The following ZUP1 variants were observed in gnomAD, a reference collection of about 807,000 sequenced individuals.
The protein encoded by ZUP1 is zinc finger containing ubiquitin peptidase 1, also known as zinc finger-containing ubiquitin peptidase 1.
In ZUP1, 55 loss-of-function variants were observed where a neutral mutation model predicts 68.1. That is an observed-to-expected ratio of 0.81 (90% CI 0.65 to 1.01). ZUP1 has a LOEUF of 1.01. ZUP1 is among the 50% of genes least tolerant of loss of function. ZUP1 has a pLI of 0.00. For synonymous variants in ZUP1, 223 were observed against 221.5 expected, an observed-to-expected ratio of 1.01 and a Z score of -0.06; for missense variants, 684 against 674.9, an observed-to-expected ratio of 1.01 and a Z score of -0.15.
chr6:116,647,416 C>A (rs1776344489), intron 8 of ZUP1, 43 bp downstream of exon 8: 18 of 1,426,060 alleles, frequency 1.3e-5, no homozygotes, highest in Non-Finnish European at 1.4e-5. Flanking sequence ...AATTTGTTAT[C>A]TTATAAACAA....
intron 9 of ZUP1, among the ~76,000 whole-genome samples, chr6:116,638,066 C>CAAAAA (rs11398572): frequency 1.1e-5 from 1 of 88,818 alleles, no homozygotes; most frequent in Non-Finnish European, 2.4e-5. Context: ...AGTCGGTCTC[C>CAAAAA]AAAAAAAAAA....
rs1430911931 is a variant in ZUP1, at chr6:116,652,077, A to G, written c.1077T>C (p.Gly359=). Residue 359 remains glycine (G), a synonymous_variant, in exon 6 of 10, where the codon GGT becomes GGC. Coordinates refer to ENST00000368576, the MANE Select transcript of ZUP1 (RefSeq NM_145062.3). ...FHSSLGDKGW[G]CGYRNFQMLL... is the part of the protein sequence containing the mutation. ...GCATTTGGAAATTTCTGTAACCACA[A>G]CCCCAACCTTTGTCGCCTAAAGATG... 1 of 1,613,994 alleles carries G rather than the reference A, an allele frequency of 6.2e-7. No individual in the cohort carries two copies. The highest frequency in any genetic ancestry group is 8.5e-7 in the Non-Finnish European group (1 of 1,179,894).
intron 9 of ZUP1, among the ~76,000 whole-genome samples, chr6:116,641,836 A>C (rs921956269): frequency 1.3e-5 from 2 of 152,156 alleles, no homozygotes; most frequent in Non-Finnish European, 2.9e-5. Flanking sequence ...AAATAACTAA[A>C]ATCAGAGCAG....
intron 5 of ZUP1, 104 bp downstream of exon 5, chr6:116,656,580 T>C (rs1776670100): frequency 3.5e-6 from 3 of 868,072 alleles, no homozygotes; most frequent in Admixed American, 6.5e-5. Context: ...AAAAAAATAT[T>C]TGTGCACAGA....
chr6:116,645,729 A>T lies in ZUP1; in HGVS notation c.1674T>A (p.Ser558=), dbSNP rs145402031. 117 of 1,610,434 alleles carry T rather than the reference A, an allele frequency of 7.3e-5. No homozygotes were observed. The African/African-American group carries it at 1.4e-3, about 20-fold the overall frequency. ...YQILAVEGAL[S]LEEKLARRQA... is the part of the protein sequence containing the mutation. Reference sequence around the variant, plus strand: ...AGATACTTACAAGTTTCTCCTCTAGAGAAAGAGCACCCTCTACTGCCAATA... The same window carrying T: ...AGATACTTACAAGTTTCTCCTCTAGTGAAAGAGCACCCTCTACTGCCAATA... Residue 558 remains serine, a synonymous_variant, in exon 9 of 10, where the codon TCT becomes TCA. Transcript: ENST00000368576.
At chr6:116,637,592 A>C (rs1352215564) in intron 9 of ZUP1, among the ~76,000 whole-genome samples, 2 of 152,206 alleles carry the variant, frequency 1.3e-5, no homozygotes, top group Non-Finnish European at 2.9e-5. Context: ...TCCCACAAAC[A>C]ACTCCATTTC....
In ZUP1 at chr6:116,645,931, T is replaced by G. The variant is rs772591104; in HGVS notation, c.1472A>C (p.His491Pro). 6.2e-7 allele frequency: 1 copy of G among 1,607,832 alleles called. No individual in the cohort carries two copies. Among genetic ancestry groups the G allele is most frequent in the South Asian group, 1.1e-5 (1 of 90,140 alleles). Residue 491 changes from histidine (H) to proline (P), a missense_variant, in exon 9 of 10, where the codon CAC (histidine) becomes CCC (proline). Physicochemically the swap from His to Pro is moderately conservative, Grantham distance 77. Transcript: ENST00000368576. ...TTCAATTCCAATAACAGTTCGACTG[T>G]GACCTATCAAAAGATTTTTAAGTTA... ...KPPIYLQHQG[H>P]SRTVIGIEEK... is the part of the protein sequence containing the mutation.
At chr6:116,638,511 A>G (rs1399074783) in intron 9 of ZUP1, among the ~76,000 whole-genome samples, 2 of 152,228 alleles carry the variant, frequency 1.3e-5, no homozygotes, top group African/African-American at 4.8e-5. Flanking sequence ...TGAATATCCA[A>G]TAAGCCCAAG....
intron 2 of ZUP1, among the ~76,000 whole-genome samples, chr6:116,661,423 G>T (rs1240295555): frequency 6.6e-6 from 1 of 152,140 alleles, no homozygotes; most frequent in African/African-American, 2.4e-5. Context: ...GAAAACCAAA[G>T]TGGTAAGTAG....
chr6:116,651,984 G>T lies in ZUP1; in HGVS notation c.1150+20C>A. The T allele has an allele frequency of 6.2e-7, 1 of 1,610,132 alleles. No homozygotes were observed. Among genetic ancestry groups the T allele is most frequent in the South Asian group, 1.1e-5 (1 of 90,794 alleles). On this transcript the variant is annotated intron_variant, in intron 6 of 9. Transcript: ENST00000368576. ...TGTATTTTATCAGATGACAAGTTCA[G>T]AGTACTAGATTTCACATACCTTTTA...
In ZUP1 at chr6:116,645,876, TAGTA is replaced by T; in HGVS notation, c.1523_1526del (p.Leu508Ter). 1 of 1,613,872 alleles carries T rather than the reference TAGTA, an allele frequency of 6.2e-7. No individual in the cohort carries two copies. Among genetic ancestry groups the T allele is most frequent in the Non-Finnish European group, 8.5e-7 (1 of 1,179,894 alleles). ...GAGAAGGACATCCAGGATCAAGTAT[TAGTA>T]AGCATAATGTTCGGTTTTTTTTCTC... On this transcript the variant is annotated frameshift_variant, in exon 9 of 10. Transcript: ENST00000368576. LOFTEE classifies it high-confidence loss of function.
intron 9 of ZUP1, among the ~76,000 whole-genome samples, chr6:116,642,435 C>A (rs1469026062): frequency 6.6e-6 from 1 of 152,032 alleles, no homozygotes; most frequent in Non-Finnish European, 1.5e-5. Context: ...CAAAAATCCT[C>A]AATAAAATAC....
intron 2 of ZUP1, among the ~76,000 whole-genome samples, chr6:116,664,503 T>A (rs1425756437): frequency 6.6e-6 from 1 of 151,154 alleles, no homozygotes; most frequent in Non-Finnish European, 1.5e-5. Context: ...TGGGGAGATG[T>A]ACTTTGATCT....
At chr6:116,643,708 C>T (rs1562400528) in intron 9 of ZUP1, among the ~76,000 whole-genome samples, 2 of 152,102 alleles carry the variant, frequency 1.3e-5, no homozygotes, top group Non-Finnish European at 2.9e-5. Flanking sequence ...TAAAGACTTA[C>T]ATGTTAGACA....
chr6:116,651,439 T>C, intron 7 of ZUP1, 133 bp downstream of exon 7: 1 of 696,792 alleles, frequency 1.4e-6, no homozygotes, highest in Non-Finnish European at 2.2e-6. Context: ...AATAGGCTGC[T>C]GATTTTCATT....
intron 2 of ZUP1, among the ~76,000 whole-genome samples, chr6:116,665,932 A>T (rs557243002): frequency 1.3e-5 from 2 of 152,024 alleles, no homozygotes; most frequent in East Asian, 3.9e-4. Flanking sequence ...AAGACATAAG[A>T]TCCTAAATGT....
intron 2 of ZUP1, 49 bp from the exon 3 acceptor site, chr6:116,660,895 T>C (rs1446124197): frequency 1.7e-6 from 2 of 1,157,730 alleles, no homozygotes; most frequent in South Asian, 1.5e-5. Context: ...ATTTTAATTT[T>C]TTTCTTTGCT....
At chr6:116,660,685 C>G in intron 3 of ZUP1, 51 bp downstream of exon 3, 1 of 1,060,324 alleles carries the variant, frequency 9.4e-7, no homozygotes, top group South Asian at 1.5e-5. Flanking sequence ...GATATGTGTC[C>G]TAGAAAGTAG....
intron 9 of ZUP1, among the ~76,000 whole-genome samples, chr6:116,638,037 G>C (rs1775954695): frequency 7.0e-6 from 1 of 142,408 alleles, no homozygotes; most frequent in South Asian, 2.2e-4. Flanking sequence ...CTGCACTCCA[G>C]CTTGGGTGAC....
Sources: allele counts gnomAD v4.1 joint callset (sites outside exome capture counted in the v4.1 genomes callset), GRCh38; gene constraint gnomAD v4.1.1; transcripts MANE v1.5; gene names NCBI Gene and HGNC (gene_info 2026-07-23, HGNC 2026-07-21).